The following NIBAN1 variants were observed in gnomAD, a reference collection of about 807,000 sequenced individuals.
The protein encoded by NIBAN1 is niban apoptosis regulator 1, also known as protein Niban 1.
A neutral mutation model predicts 75.1 loss-of-function variants in NIBAN1; 81 were observed. That is an observed-to-expected ratio of 1.08 (90% CI 0.90 to 1.30). The LOEUF is 1.30. Ranked by LOEUF, NIBAN1 falls within the 50% of genes most tolerant of loss-of-function variation. The pLI is 0.00. For synonymous variants in NIBAN1, 436 were observed against 424.8 expected (o/e 1.03, Z -0.32); for missense variants, 1,133 against 1,128.1 (o/e 1.00, Z -0.06).
intron 1 of NIBAN1, among the ~76,000 whole-genome samples, chr1:184,913,628 T>C (rs1484042619): frequency 6.6e-6 from 1 of 152,204 alleles, no homozygotes; most frequent in Non-Finnish European, 1.5e-5. Context: ...ATTTCTTTTA[T>C]GTACATTGCA....
chr1:184,828,852 A>G (rs1654917787), intron 6 of NIBAN1, among the ~76,000 whole-genome samples: 1 of 151,536 alleles, frequency 6.6e-6, no homozygotes, highest in Non-Finnish European at 1.5e-5. Flanking sequence ...TGCCCAGTGT[A>G]GTGGCACAAT....
At chr1:184,917,452 G>T (rs567918314) in intron 1 of NIBAN1, among the ~76,000 whole-genome samples, 3 of 138,156 alleles carry the variant, frequency 2.2e-5, no homozygotes, top group Admixed American at 1.6e-4. Flanking sequence ...CTCGTGATCC[G>T]CCCGCCTCGG....
chr1:184,855,340 G>T (rs1320268242), intron 5 of NIBAN1, among the ~76,000 whole-genome samples: 1 of 152,082 alleles, frequency 6.6e-6, no homozygotes, highest in Non-Finnish European at 1.5e-5. Context: ...GCATAACATT[G>T]AATAAAATAA....
At chr1:184,876,121 C>T (rs531041868) in intron 5 of NIBAN1, among the ~76,000 whole-genome samples, 55 of 149,390 alleles carry the variant, frequency 3.7e-4, no homozygotes, top group Middle Eastern at 3.5e-3. Context: ...TGCAGTGAGC[C>T]AAGATCGCGC....
At chr1:184,966,215 A>G (rs1557934383) in intron 1 of NIBAN1, among the ~76,000 whole-genome samples, 4 of 152,228 alleles carry the variant, frequency 2.6e-5, no homozygotes. Flanking sequence ...AGCTTTAACC[A>G]ACAAAATGTG....
intron 8 of NIBAN1, among the ~76,000 whole-genome samples, chr1:184,819,664 C>T (rs1211002247): frequency 1.3e-5 from 2 of 152,126 alleles, no homozygotes; most frequent in African/African-American, 4.8e-5. Context: ...GAGCTTGCTC[C>T]GTGGACTAGA....
At chr1:184,876,604 G>A (rs1183416984) in intron 5 of NIBAN1, among the ~76,000 whole-genome samples, 1 of 151,958 alleles carries the variant, frequency 6.6e-6, no homozygotes, top group Non-Finnish European at 1.5e-5. Context: ...TAGAGGCTGA[G>A]GCAGGAGAAC....
At chr1:184,831,344 C>T (rs1344409906) in intron 6 of NIBAN1, among the ~76,000 whole-genome samples, 1 of 152,098 alleles carries the variant, frequency 6.6e-6, no homozygotes, top group Non-Finnish European at 1.5e-5. Context: ...AAGACAGCTG[C>T]GTACCAAATA....
At chr1:184,844,934 C>T (rs1334611972) in intron 5 of NIBAN1, among the ~76,000 whole-genome samples, 1 of 152,142 alleles carries the variant, frequency 6.6e-6, no homozygotes, top group African/African-American at 2.4e-5. Context: ...ACAATTTAGT[C>T]CTCTTAGAGA....
chr1:184,960,149 CAT>C (rs1233302537), intron 1 of NIBAN1, among the ~76,000 whole-genome samples: 2 of 152,092 alleles, frequency 1.3e-5, no homozygotes, highest in Non-Finnish European at 2.9e-5. Flanking sequence ...TAATATCTGA[CAT>C]ATACATGCTT....
At chr1:184,805,057 G>A (rs1410116609) in intron 11 of NIBAN1, among the ~76,000 whole-genome samples, 2 of 152,134 alleles carry the variant, frequency 1.3e-5, no homozygotes, top group Non-Finnish European at 2.9e-5. Context: ...CAAAGTGCTG[G>A]GATTACAGGC....
chr1:184,824,238 G>A (rs961776216), intron 6 of NIBAN1, among the ~76,000 whole-genome samples: 1 of 152,092 alleles, frequency 6.6e-6, no homozygotes, highest in Non-Finnish European at 1.5e-5. Context: ...TGTCCCCCAA[G>A]CCCCATTGTC....
At chr1:184,835,682 C>T (rs983906332) in intron 5 of NIBAN1, among the ~76,000 whole-genome samples, 4 of 152,160 alleles carry the variant, frequency 2.6e-5, no homozygotes, top group South Asian at 2.1e-4. Flanking sequence ...GTGATTTTTG[C>T]ACATTGATTT....
chr1:184,915,143 T>G (rs1295222221), intron 1 of NIBAN1, among the ~76,000 whole-genome samples: 1 of 152,212 alleles, frequency 6.6e-6, no homozygotes, highest in African/African-American at 2.4e-5. Context: ...TCTCAGTGTT[T>G]CCTTTGTCTT....
rs374971393 is a variant in NIBAN1 at position 184,804,452 on chromosome 1, T to C, written c.1447-760A>G. 4.5e-4 allele frequency among the ~76,000 whole-genome samples: 69 copies of C among 152,296 alleles called. 2 individuals carry two copies. In the East Asian group the frequency reaches 0.013, roughly 28 times the overall value. ...CTGGAATAACCAGTGGTGAGAACTT[T>C]GGCCTAACATGAGAAAGCATGTTCT... On this transcript the variant is annotated intron_variant, in intron 11 of 13. Transcript: ENST00000367511.
rs938349067 is a variant in NIBAN1 at position 184,795,333 on chromosome 1, T to C, written c.2431A>G (p.Met811Val). Reference sequence around the variant, plus strand: ...GCCTCTCCTGGGAGCTCCCCCTCCATGGGCCCCAGGGGCTCCTCGGTGAGC... The same window carrying C: ...GCCTCTCCTGGGAGCTCCCCCTCCACGGGCCCCAGGGGCTCCTCGGTGAGC... ...GGLTEEPLGP[M>V]EGELPGEACT... The change falls in exon 14 of 14, where the codon ATG becomes GTG. Residue 811 changes from methionine (M) to valine (V), a missense_variant. Met to Val is a conservative substitution (Grantham distance 21). Coordinates refer to ENST00000367511, the MANE Select transcript of NIBAN1 (RefSeq NM_052966.4). The C allele has an allele frequency of 5.0e-6, 8 of 1,610,912 alleles. No homozygotes were observed. The highest frequency in any genetic ancestry group is 1.6e-4 in the Middle Eastern group (1 of 6,072).
At chr1:184,818,968 A>C in intron 8 of NIBAN1, 143 bp from the exon 9 acceptor site, 1 of 832,710 alleles carries the variant, frequency 1.2e-6, no homozygotes, top group Non-Finnish European at 1.8e-6. Context: ...GACTAGCACA[A>C]TGAGCCTGGT....
Position 184,952,637 on chromosome 1 carries a change from AT to A in NIBAN1, c.55+21664del, listed in dbSNP as rs546634455. 6.6e-5 allele frequency among the ~76,000 whole-genome samples: 10 copies of A among 152,366 alleles called. No homozygotes were observed. The East Asian group carries it at 1.9e-3, about 29-fold the overall frequency. On this transcript the variant is annotated intron_variant, in intron 1 of 13. Transcript: ENST00000367511. Reference sequence around the variant, plus strand: ...AGTTTACAAATTTGTGTTGGGCCACATTCAAAGCCTTCCCGGGCCACATGCA... The same window carrying A: ...AGTTTACAAATTTGTGTTGGGCCACATCAAAGCCTTCCCGGGCCACATGCA...
chr1:184,793,187 G>A lies in NIBAN1; in HGVS notation c.*1790C>T, dbSNP rs1451878545. 6.6e-6 allele frequency: 1 copy of A among 152,150 alleles called. No individual in the cohort carries two copies. The highest frequency in any genetic ancestry group is 1.5e-5 in the Non-Finnish European group (1 of 68,008). 9.4% of individuals were successfully genotyped at this position (152,150 alleles called of 1,614,324 possible). On this transcript the variant is annotated 3_prime_UTR_variant, in exon 14 of 14. Coordinates refer to ENST00000367511, the MANE Select transcript of NIBAN1 (RefSeq NM_052966.4). ...TGGTTGAACTGTGTGTGAAGCAAAT[G>A]CTCTAAAGAACTGACATAAATTTAC...
Sources: allele counts gnomAD v4.1 joint callset (sites outside exome capture counted in the v4.1 genomes callset), GRCh38; gene constraint gnomAD v4.1.1; transcripts MANE v1.5; gene names NCBI Gene and HGNC (gene_info 2026-07-23, HGNC 2026-07-21).